Variants in MAP1LC3C observed in about 807,000 individuals in gnomAD.
MAP1LC3C encodes the protein microtubule associated protein 1 light chain 3 gamma, also known as microtubule-associated protein 1 light chain 3 gamma.
In MAP1LC3C, 12 loss-of-function variants were observed where a neutral mutation model predicts 10.4. The observed-to-expected ratio is 1.15, with a 90% confidence interval of 0.74 to 1.86. MAP1LC3C has a LOEUF of 1.86. Among genes scored for constraint, MAP1LC3C ranks in the 40% most tolerant of loss-of-function variants. The pLI, the probability that MAP1LC3C is intolerant of heterozygous loss-of-function variation, is 0.00. For synonymous variants in MAP1LC3C, 70 were observed against 69.0 expected, an observed-to-expected ratio of 1.01 and a Z score of -0.07; for missense variants, 177 against 185.7, an observed-to-expected ratio of 0.95 and a Z score of 0.27.
rs780855934 is a variant in MAP1LC3C at position 241,998,545 on chromosome 1, G to A, written c.190C>T (p.Leu64=). 4 of 1,614,042 alleles carry A rather than the reference G, an allele frequency of 2.5e-6. 1 individual carries two copies. The South Asian group carries it at 4.4e-5, about 18-fold the overall frequency. Residue 64 remains leucine (L), a synonymous_variant, in exon 3 of 4, where the codon CTG becomes TTG. Transcript: ENST00000357246. The part of the protein sequence containing the change: ...DKTKFLVPQE[L]TMTQFLSIIR... ...ATGCTGAGGAACTGGGTCATGGTCA[G>A]CTCCTGCGGGACCAGGAACTTGGTT...
chr1:242,000,767 T>C (rs1665181631), upstream of MAP1LC3C, among the ~76,000 whole-genome samples: 1 of 152,136 alleles, frequency 6.6e-6, no homozygotes, highest in African/African-American at 2.4e-5. Context: ...CCTAGGCCTT[T>C]TGGGTTTTTA....
rs765918726 is a variant in MAP1LC3C at position 241,998,942 on chromosome 1, G to A, written c.58+9C>T. On this transcript the variant is annotated intron_variant, in intron 1 of 3. Transcript: ENST00000357246. ...TAGATAACCCAGAAAGCTACCCCAA[G>A]AAATTTACCCAAGCTTTTCCTCTGC... is the stretch of plus-strand genomic sequence containing the variant. The A allele has an allele frequency of 6.2e-7, 1 of 1,610,936 alleles. No individual in the cohort carries two copies.
At chr1:241,996,655 G>A (rs1269941133) in intron 3 of MAP1LC3C, among the ~76,000 whole-genome samples, 1 of 152,002 alleles carries the variant, frequency 6.6e-6, no homozygotes, top group Non-Finnish European at 1.5e-5. Flanking sequence ...GGATGCAGTG[G>A]CTCACACCTC....
chr1:242,000,672 A>G (rs1665179863), upstream of MAP1LC3C, among the ~76,000 whole-genome samples: 1 of 152,206 alleles, frequency 6.6e-6, no homozygotes, highest in Non-Finnish European at 1.5e-5. Flanking sequence ...GATATCACAA[A>G]GGGTACAGAT....
chr1:241,999,439 A>C (rs571523932), upstream of MAP1LC3C, among the ~76,000 whole-genome samples: 8 of 152,012 alleles, frequency 5.3e-5, no homozygotes, highest in African/African-American at 1.9e-4. Flanking sequence ...TAGTTCTCAC[A>C]ATGGTCCATG....
chr1:241,998,622 T>C lies in MAP1LC3C; in HGVS notation c.115-2A>G. ...CCTGGGGTAGCGCTCCACTACCACC[T>C]GTCAAGAGTGTCAGTCCTTAAGAAT... On this transcript the variant is annotated splice_acceptor_variant, in intron 2 of 3. Coordinates refer to ENST00000357246, the MANE Select transcript of MAP1LC3C (RefSeq NM_001004343.3). LOFTEE classifies it high-confidence loss of function. 3 of 1,609,056 alleles carry C rather than the reference T, an allele frequency of 1.9e-6. No individual in the cohort carries two copies. Among genetic ancestry groups the C allele is most frequent in the African/African-American group, 1.3e-5 (1 of 74,946 alleles).
At position 241,998,021 on chromosome 1, in the gene MAP1LC3C, C is replaced by CTTT. The variant is rs58237405; in HGVS notation, c.221+490_221+492dup. ...CTTACCTGTTTAAAATAGAGTAATT[C>CTTT]TTTTTTTTTTTTTTTTTTTTTTGAG... On this transcript the variant is annotated intron_variant, in intron 3 of 3. Coordinates refer to ENST00000357246, the MANE Select transcript of MAP1LC3C (RefSeq NM_001004343.3). Among the ~76,000 whole-genome samples, 134 of 95,392 alleles carry CTTT rather than the reference C, an allele frequency of 1.4e-3. 7 individuals carry two copies. Among genetic ancestry groups the CTTT allele is most frequent in the African/African-American group, 5.3e-3 (126 of 23,972 alleles). The allele number at this position is 95,392 out of a possible 152,430, so 62.6% of individuals were successfully genotyped here.
chr1:241,996,450 T>G (rs1665088138), intron 3 of MAP1LC3C, 65 bp from the exon 4 acceptor site: 1 of 1,335,002 alleles, frequency 7.5e-7, no homozygotes, highest in Non-Finnish European at 1.1e-6. Context: ...TGCAGCCTCA[T>G]GACACTCAAG....
chr1:242,000,518 C>A (rs1051204953), upstream of MAP1LC3C, among the ~76,000 whole-genome samples: 1 of 152,170 alleles, frequency 6.6e-6, no homozygotes, highest in Admixed American at 6.5e-5. Flanking sequence ...TGAGCCACTG[C>A]GCCCAGCCCC....
In MAP1LC3C at chr1:241,995,601, C is replaced by T. The variant is rs73141750; in HGVS notation, c.*562G>A. The T allele has an allele frequency of 7.9e-3, 1,205 of 152,708 alleles. 16 individuals are homozygous for T. The highest frequency in any genetic ancestry group is 0.022 in the African/African-American group (929 of 41,562). The allele number at this position is 152,708 out of a possible 1,614,324, so 9.5% of individuals were successfully genotyped here. ...TAGCTCATTACACAAAACCATCACA[C>T]AAGCCAACCATTTCTTATTTAGAAT... is the stretch of plus-strand genomic sequence containing the variant. On this transcript the variant is annotated 3_prime_UTR_variant, in exon 4 of 4. Coordinates refer to ENST00000357246, the MANE Select transcript of MAP1LC3C (RefSeq NM_001004343.3).
chr1:241,999,723 C>G (rs28588953), upstream of MAP1LC3C, among the ~76,000 whole-genome samples: 1 of 152,030 alleles, frequency 6.6e-6, no homozygotes, highest in African/African-American at 2.4e-5. Context: ...GCAAGAGAAT[C>G]GCTTGAACCC....
chr1:241,996,909 C>CAAG, intron 3 of MAP1LC3C, among the ~76,000 whole-genome samples: 1 of 42,774 alleles, frequency 2.3e-5, no homozygotes, highest in East Asian at 7.3e-4. Context: ...GACTGCGTCT[C>CAAG]AAAAAAAAAA....
At chr1:241,998,295 T>G (rs554311434) in intron 3 of MAP1LC3C, among the ~76,000 whole-genome samples, 1 of 152,154 alleles carries the variant, frequency 6.6e-6, no homozygotes, top group African/African-American at 2.4e-5. Flanking sequence ...GTGCTGGGAT[T>G]ACAGGCATGA....
intron 3 of MAP1LC3C, among the ~76,000 whole-genome samples, chr1:241,996,694 A>G (rs895735335): frequency 1.5e-4 from 23 of 152,044 alleles, no homozygotes; most frequent in Non-Finnish European, 2.5e-4. Context: ...AAGCTGAGGC[A>G]GGCAGCTCAC....
At chr1:241,998,471 C>T in intron 3 of MAP1LC3C, 43 bp downstream of exon 3, 2 of 1,560,336 alleles carry the variant, frequency 1.3e-6, no homozygotes, top group South Asian at 2.2e-5. Context: ...AGCCCCGGCG[C>T]ACCCAGCGCA....
Position 241,996,016 on chromosome 1 carries a change from A to G in MAP1LC3C, c.*147T>C, listed in dbSNP as rs898759280. 2.0e-5 allele frequency: 12 copies of G among 603,268 alleles called. No individual in the cohort carries two copies. In the African/African-American group the frequency reaches 2.2e-4, roughly 11 times the overall value. The allele number at this position is 603,268 out of a possible 1,614,324, so 37.4% of individuals were successfully genotyped here. On this transcript the variant is annotated 3_prime_UTR_variant, in exon 4 of 4. Transcript: ENST00000357246. ...GGAGCACAAAAACTAAACTAGGAAGAGCCACCACTCTGCTGCCACTGGTTG... is the reference window on the plus strand; with the variant it reads ...GGAGCACAAAAACTAAACTAGGAAGGGCCACCACTCTGCTGCCACTGGTTG...
Position 241,998,805 on chromosome 1 carries a change from T to G in MAP1LC3C, c.85A>C (p.Ile29Leu). The G allele has an allele frequency of 6.2e-7, 1 of 1,614,060 alleles. No individual in the cohort carries two copies. The highest frequency in any genetic ancestry group is 8.5e-7 in the Non-Finnish European group (1 of 1,180,026). ...LAIRQEEVAG[I>L]RAKFPNKIPV... is the part of the protein sequence containing the mutation. ...ATTTTGTTGGGGAACTTTGCCCGGA[T>G]TCCAGCAACTTCCTCTTGTCTGATT... The change falls in exon 2 of 4, where the codon ATC (isoleucine) becomes CTC (leucine). Residue 29 changes from isoleucine (I) to leucine (L), a missense_variant. Transcript: ENST00000357246.
At chr1:241,998,645 A>C in intron 2 of MAP1LC3C, 25 bp from the exon 3 acceptor site, 4 of 1,607,308 alleles carry the variant, frequency 2.5e-6, no homozygotes, top group Non-Finnish European at 2.6e-6. Context: ...AGTCCTTAAG[A>C]ATGTGACTCA....
intron 3 of MAP1LC3C, among the ~76,000 whole-genome samples, chr1:241,998,104 C>T (rs1054596471): frequency 1.4e-5 from 2 of 147,224 alleles, no homozygotes; most frequent in Middle Eastern, 3.4e-3. Flanking sequence ...CTCACTGTAA[C>T]CTCCGCCTCC....
Sources: allele counts gnomAD v4.1 joint callset (sites outside exome capture counted in the v4.1 genomes callset), GRCh38; gene constraint gnomAD v4.1.1; transcripts MANE v1.5; gene names NCBI Gene and HGNC (gene_info 2026-07-23, HGNC 2026-07-21).